Variants in TTC28 observed in about 807,000 individuals in gnomAD.
TTC28 encodes tetratricopeptide repeat protein 28.
TTC28 carries 61 observed loss-of-function variants against 198.0 expected under a neutral mutation model. The ratio of observed to expected loss-of-function variants is 0.31; its 90% confidence interval spans 0.25 to 0.38. The LOEUF (loss-of-function observed/expected upper bound fraction) is 0.38, where lower values mean the gene tolerates loss of function less well. TTC28 is among the 10% of genes least tolerant of loss of function. The probability of loss-of-function intolerance (pLI) is 1.00; values close to 1 mark genes in which losing one functional copy is unlikely to be tolerated. For synonymous variants in TTC28, 1,171 were observed against 1,297.8 expected (o/e 0.90, Z 2.10); for missense variants, 2,678 against 3,164.0 (o/e 0.85, Z 3.69).
chr22:28,101,545 C>T (rs1389054238), intron 8 of TTC28, among the ~76,000 whole-genome samples: 7 of 151,810 alleles, frequency 4.6e-5, no homozygotes, highest in African/African-American at 1.2e-4. Context: ...TTTTTTGGTA[C>T]GGACAGGGTT....
intron 2 of TTC28, among the ~76,000 whole-genome samples, chr22:28,549,964 T>C (rs1334590434): frequency 6.6e-6 from 1 of 152,206 alleles, no homozygotes; most frequent in Non-Finnish European, 1.5e-5. Flanking sequence ...CTGCTCACAA[T>C]CAAATAAGAT....
At chr22:28,153,813 G>A (rs1943674896) in intron 6 of TTC28, among the ~76,000 whole-genome samples, 1 of 152,124 alleles carries the variant, frequency 6.6e-6, no homozygotes. Flanking sequence ...AGAGACAGTT[G>A]TTTTTAAACT....
intron 2 of TTC28, among the ~76,000 whole-genome samples, chr22:28,461,522 T>C (rs978444144): frequency 6.6e-6 from 1 of 152,168 alleles, no homozygotes; most frequent in Admixed American, 6.5e-5. Context: ...CTGTAGCATC[T>C]GCCTCCTGGG....
At chr22:28,264,705 G>T (rs1339568270) in intron 5 of TTC28, among the ~76,000 whole-genome samples, 2 of 152,138 alleles carry the variant, frequency 1.3e-5, no homozygotes, top group Non-Finnish European at 2.9e-5. Flanking sequence ...GTTAAAAACT[G>T]CCAGGTTTCT....
chr22:28,505,953 C>T (rs2048606881), intron 2 of TTC28, among the ~76,000 whole-genome samples: 1 of 152,232 alleles, frequency 6.6e-6, no homozygotes, highest in African/African-American at 2.4e-5. Context: ...CTGTTCCAGC[C>T]GGCTGGCTTT....
rs878953477 is a variant in TTC28, at chr22:27,982,164, G to A, written c.*57C>T. ...GGACTGCACTCAGGGAAGGGCTGAAGCAAACGCCAGGCCCCCATCTGCAGG... is the reference window on the plus strand; with the variant it reads ...GGACTGCACTCAGGGAAGGGCTGAAACAAACGCCAGGCCCCCATCTGCAGG... On this transcript the variant is annotated 3_prime_UTR_variant, in exon 23 of 23. Transcript: ENST00000397906. This position sits in a 1 kb window ranked among gnomAD's most constrained non-coding sequence, Gnocchi z 5.2. 1 of 1,444,820 alleles carries A rather than the reference G, an allele frequency of 6.9e-7. No homozygotes were observed. The highest frequency in any genetic ancestry group is 1.5e-5 in the South Asian group (1 of 66,522). The allele number at this position is 1,444,820 out of a possible 1,614,324, so 89.5% of individuals were successfully genotyped here.
At chr22:28,228,875 G>A (rs920590559) in intron 5 of TTC28, among the ~76,000 whole-genome samples, 5 of 152,004 alleles carry the variant, frequency 3.3e-5, no homozygotes, top group Admixed American at 1.3e-4. Context: ...ACTACACCCC[G>A]GCGAGGCGTG....
chr22:28,321,389 T>A (rs1179104047), intron 2 of TTC28, among the ~76,000 whole-genome samples: 1 of 152,236 alleles, frequency 6.6e-6, no homozygotes, highest in East Asian at 1.9e-4. Context: ...TCATTTCTGA[T>A]TTTCCTTCAT....
At chr22:28,549,589 T>C (rs1232736696) in intron 2 of TTC28, among the ~76,000 whole-genome samples, 1 of 152,228 alleles carries the variant, frequency 6.6e-6, no homozygotes, top group Non-Finnish European at 1.5e-5. Context: ...TCTTAATTCT[T>C]TGGTACTCAT....
chr22:28,162,746 C>A (rs552063109), intron 6 of TTC28, among the ~76,000 whole-genome samples: 11 of 152,058 alleles, frequency 7.2e-5, no homozygotes, highest in Non-Finnish European at 1.0e-4. Flanking sequence ...CCCAGGAGTT[C>A]GAGACCAGCC....
At chr22:28,084,655 G>A (rs987666687) in intron 12 of TTC28, among the ~76,000 whole-genome samples, 11 of 152,200 alleles carry the variant, frequency 7.2e-5, no homozygotes, top group African/African-American at 1.7e-4. Context: ...AACAAAGCTG[G>A]ACGGAGAATG....
chr22:28,229,160 A>T (rs542277735), intron 5 of TTC28, among the ~76,000 whole-genome samples: 103 of 152,360 alleles, frequency 6.8e-4, no homozygotes, highest in Non-Finnish European at 1.1e-3. Context: ...CATCTCAAAA[A>T]ACAAACAAAC....
chr22:28,320,012 A>G (rs753018718), intron 2 of TTC28, among the ~76,000 whole-genome samples: 13 of 152,130 alleles, frequency 8.5e-5, no homozygotes, highest in Non-Finnish European at 1.8e-4. Flanking sequence ...ACAGTTGGTG[A>G]GAATTTTGGC....
At chr22:28,129,581 G>C (rs746574037) in intron 6 of TTC28, among the ~76,000 whole-genome samples, 9 of 152,200 alleles carry the variant, frequency 5.9e-5, no homozygotes, top group Admixed American at 1.3e-4. Flanking sequence ...AGTGGAGCTA[G>C]TATTACCTCC....
chr22:28,448,309 G>A (rs1452318437), intron 2 of TTC28, among the ~76,000 whole-genome samples: 1 of 152,050 alleles, frequency 6.6e-6, no homozygotes, highest in Non-Finnish European at 1.5e-5. Context: ...GCAAGAAAGA[G>A]AAAATGAAGA....
intron 1 of TTC28, among the ~76,000 whole-genome samples, chr22:28,646,188 A>C (rs2051463191): frequency 6.6e-6 from 1 of 152,078 alleles, no homozygotes; most frequent in Non-Finnish European, 1.5e-5. Flanking sequence ...CCTCCAAAGG[A>C]CTCCTAGATT....
At chr22:28,503,339 T>C (rs2048561906) in intron 2 of TTC28, among the ~76,000 whole-genome samples, 2 of 152,308 alleles carry the variant, frequency 1.3e-5, no homozygotes, top group South Asian at 4.1e-4. Context: ...TAAATAATTA[T>C]GTGATTGATT....
chr22:28,265,489 G>A (rs766716398), intron 5 of TTC28, among the ~76,000 whole-genome samples: 2 of 152,026 alleles, frequency 1.3e-5, no homozygotes, highest in Non-Finnish European at 2.9e-5. Flanking sequence ...TTGTATCTGC[G>A]GCTGACTATA....
intron 5 of TTC28, among the ~76,000 whole-genome samples, chr22:28,266,320 A>G (rs1375181127): frequency 1.3e-5 from 2 of 152,156 alleles, no homozygotes; most frequent in East Asian, 1.9e-4. Flanking sequence ...ACTTTCTCAA[A>G]AGGAATCACA....
Sources: gnomAD v4.1 joint callset for allele counts (sites outside exome capture counted in the v4.1 genomes callset) on GRCh38, gnomAD v4.1.1 for gene constraint, Gnocchi (gnomAD v3.1) non-coding constraint, MANE v1.5 for transcripts, NCBI Gene and HGNC (gene_info 2026-07-23, HGNC 2026-07-21) for gene names.